The following MAST3 variants were observed in gnomAD, a reference collection of about 807,000 sequenced individuals.
MAST3 encodes the protein microtubule-associated serine/threonine-protein kinase 3.
MAST3 carries 43 observed loss-of-function variants against 127.0 expected under a neutral mutation model. The ratio of observed to expected loss-of-function variants is 0.34; its 90% CI spans 0.27 to 0.44. MAST3 has a LOEUF of 0.44. Among genes scored for constraint, MAST3 ranks in the 20% least tolerant of loss-of-function variants. The pLI is 1.00. For synonymous variants in MAST3, 785 were observed against 809.2 expected, an observed-to-expected ratio of 0.97 and a Z score of 0.51; for missense variants, 1,390 against 1,919.1, an observed-to-expected ratio of 0.72 and a Z score of 5.15.
chr19:18,106,819 C>T (rs908729129), intron 1 of MAST3, among the ~76,000 whole-genome samples: 66 of 151,928 alleles, frequency 4.3e-4, no homozygotes, highest in Admixed American at 1.6e-3. Flanking sequence ...GATCTGCCCA[C>T]CTCAGCCTCC....
Position 18,141,859 on chromosome 19 carries a change from C to T in MAST3, c.2206-23C>T, listed in dbSNP as rs1169442418. ...GCATGAGCCACCGCACCCGGCTTAC[C>T]ATTCTTTTGTCTTGCCTCCCAGGTC... On this transcript the variant is annotated intron_variant, in intron 20 of 27. Coordinates refer to ENST00000687212, the MANE Select transcript of MAST3 (RefSeq NM_001393504.1). 3 of 1,387,948 alleles carry T rather than the reference C, an allele frequency of 2.2e-6. No homozygotes were observed. In the African/African-American group the frequency reaches 4.4e-5, roughly 21 times the overall value. 86.0% of individuals were successfully genotyped at this position (1,387,948 alleles called of 1,614,324 possible). A position where few individuals can be genotyped will look rare whatever the true frequency, so the allele number is the denominator to read the frequency against.
At chr19:18,128,240 A>C (rs551852121) in intron 11 of MAST3, among the ~76,000 whole-genome samples, 160 bp from the exon 12 acceptor site, 1 of 152,292 alleles carries the variant, frequency 6.6e-6, no homozygotes, top group Admixed American at 6.5e-5. Context: ...TGCTTCATCC[A>C]GCCTCCCGGA....
Position 18,130,642 on chromosome 19 carries a change from A to G in MAST3, c.1372A>G (p.Ser458Gly). The change falls in exon 14 of 28, where the codon AGC becomes GGC. Residue 458 changes from serine to glycine, a missense_variant. Around this residue, in one of 5 missense-constraint regions of MAST3, gnomAD observed 191 missense variants for 409.0 expected, o/e 0.47. Coordinates refer to ENST00000687212, the MANE Select transcript of MAST3 (RefSeq NM_001393504.1). The stretch of plus-strand genomic sequence containing the variant: ...CTTTGCCGAGAACCCCTTTGTGGTC[A>G]GCATGTTCTGCTCCTTTGAGACCCG... ...LTFAENPFVV[S>G]MFCSFETRRH... 1 of 1,614,144 alleles carries G rather than the reference A, an allele frequency of 6.2e-7. No homozygotes were observed. The highest frequency in any genetic ancestry group is 8.5e-7 in the Non-Finnish European group (1 of 1,180,004).
intron 3 of MAST3, among the ~76,000 whole-genome samples, chr19:18,113,379 G>A (rs1018845476): frequency 6.6e-6 from 1 of 151,998 alleles, no homozygotes; most frequent in Non-Finnish European, 1.5e-5. Context: ...CCGCCTCCTG[G>A]GTCAAGCGAG....
At chr19:18,121,637 C>A in intron 3 of MAST3, 48 bp from the exon 4 acceptor site, 1 of 1,529,170 alleles carries the variant, frequency 6.5e-7, no homozygotes, top group South Asian at 1.1e-5. Context: ...GGTGGCTTAG[C>A]GCGGGGCCCT....
In MAST3 at chr19:18,115,333, G is replaced by A. The variant is rs530772867; in HGVS notation, c.161+4592G>A. Among the ~76,000 whole-genome samples the A allele has an allele frequency of 2.6e-5, 4 of 152,200 alleles. No individual in the cohort carries two copies. In the South Asian group the frequency reaches 6.2e-4, roughly 24 times the overall value. On this transcript the variant is annotated intron_variant, in intron 3 of 27. Coordinates refer to ENST00000687212, the MANE Select transcript of MAST3 (RefSeq NM_001393504.1). Reference sequence around the variant, plus strand: ...GTTCTCTCCCTGCTACAGATGTCAGGGCAGTGGGTGTATGTAATAGGGGGT... The same window carrying A: ...GTTCTCTCCCTGCTACAGATGTCAGAGCAGTGGGTGTATGTAATAGGGGGT...
chr19:18,122,834 G>A, intron 6 of MAST3, 83 bp downstream of exon 6: 1 of 1,385,642 alleles, frequency 7.2e-7, no homozygotes, highest in Non-Finnish European at 1.0e-6. Flanking sequence ...TTTTCAAGGT[G>A]TTGGATAGTT....
intron 1 of MAST3, among the ~76,000 whole-genome samples, chr19:18,101,882 CTT>C (rs760652186): frequency 2.9e-5 from 2 of 69,350 alleles, no homozygotes; most frequent in Non-Finnish European, 2.6e-5. Flanking sequence ...GCCTCAAACT[CTT>C]TTTTTTTTTT....
intron 3 of MAST3, among the ~76,000 whole-genome samples, chr19:18,116,124 C>T (rs1165136577): frequency 2.2e-5 from 2 of 90,314 alleles, no homozygotes; most frequent in African/African-American, 6.4e-5. Context: ...GACGGAGTCT[C>T]GCTCTATCAC....
In MAST3 at chr19:18,123,605, G is replaced by A. The variant is rs371335451; in HGVS notation, c.583G>A (p.Asp195Asn). 43 of 1,592,760 alleles carry A rather than the reference G, an allele frequency of 2.7e-5. No homozygotes were observed. Among genetic ancestry groups the A allele is most frequent in the Non-Finnish European group, 3.5e-5 (41 of 1,169,950 alleles). The change falls in exon 8 of 28, where the codon GAC becomes AAC. Residue 195 changes from aspartate to asparagine, a missense_variant. Coordinates refer to ENST00000687212, the MANE Select transcript of MAST3 (RefSeq NM_001393504.1). ...CCCGGGCCGTGCAACGGGGACCTTCGACAATGAGATTGTCATGATGAATCA... is the reference window on the plus strand; with the variant it reads ...CCCGGGCCGTGCAACGGGGACCTTCAACAATGAGATTGTCATGATGAATCA... ...LSPGRATGTF[D>N]NEIVMMNHVY...
chr19:18,118,293 C>G (rs1413403906), intron 3 of MAST3: 3 of 976,800 alleles, frequency 3.1e-6, no homozygotes, highest in Non-Finnish European at 3.6e-6. Flanking sequence ...GGCGGCCAGC[C>G]GAGCAAACAG....
intron 2 of MAST3, among the ~76,000 whole-genome samples, chr19:18,109,005 C>A (rs2038288868): frequency 6.6e-6 from 1 of 152,104 alleles, no homozygotes; most frequent in Non-Finnish European, 1.5e-5. Flanking sequence ...CTGGGGGTGG[C>A]TTTATCCTGA....
At position 18,110,788 on chromosome 19, in the gene MAST3, C is replaced by A; in HGVS notation, c.161+47C>A. The A allele has an allele frequency of 1.1e-6, 1 of 922,802 alleles. No homozygotes were observed. The highest frequency in any genetic ancestry group is 1.3e-6 in the Non-Finnish European group (1 of 772,578). The allele number at this position is 922,802 out of a possible 1,614,324, so 57.2% of individuals were successfully genotyped here. On this transcript the variant is annotated intron_variant, in intron 3 of 27. Transcript: ENST00000687212. This position sits in a 1 kb window ranked among gnomAD's most constrained non-coding sequence, Gnocchi z 4.3. Reference sequence around the variant, plus strand: ...CGGGGCGCAGACATCGCCCTGGCACCCCAGAGCCTTGGAAACCCTCCAGAC... The same window carrying A: ...CGGGGCGCAGACATCGCCCTGGCACACCAGAGCCTTGGAAACCCTCCAGAC...
In MAST3 at chr19:18,110,465, C is replaced by A; in HGVS notation, c.72-187C>A. On this transcript the variant is annotated intron_variant, in intron 2 of 27. Coordinates refer to ENST00000687212, the MANE Select transcript of MAST3 (RefSeq NM_001393504.1). The surrounding 1 kb of genome is among the most constrained non-coding windows in gnomAD (Gnocchi z 4.3). ...CTGTTCGTGTCGCCCAGAAACGCAC[C>A]GCCGCCTCCGGGGAGCCCTCCCGGG... 1.0e-6 allele frequency: 1 copy of A among 967,926 alleles called. No individual in the cohort carries two copies. The highest frequency in any genetic ancestry group is 1.2e-6 in the Non-Finnish European group (1 of 813,668). The allele number at this position is 967,926 out of a possible 1,614,324, so 60.0% of individuals were successfully genotyped here.
At chr19:18,139,739 G>A (rs4808750) in intron 20 of MAST3, among the ~76,000 whole-genome samples, 126,080 of 151,982 alleles carry the variant, frequency 0.83, 52,598 homozygotes, top group African/African-American at 0.91. Flanking sequence ...GGGATTACAG[G>A]CATGAGCCAT....
Position 18,112,717 on chromosome 19 carries a change from C to T in MAST3, c.161+1976C>T, listed in dbSNP as rs760047593. Among the ~76,000 whole-genome samples, 8 of 152,134 alleles carry T rather than the reference C, an allele frequency of 5.3e-5. No homozygotes were observed. Among genetic ancestry groups the T allele is most frequent in the Non-Finnish European group, 1.2e-4 (8 of 68,036 alleles). On this transcript the variant is annotated intron_variant, in intron 3 of 27. Transcript: ENST00000687212. This position sits in a 1 kb window ranked among gnomAD's most constrained non-coding sequence, Gnocchi z 4.1. ...AACTCCTGACCTCAGGTGATCCACC[C>T]GCCTTGGCTTCCCAAAGTGCTAGGA...
chr19:18,129,147 G>C (rs2040985395), intron 13 of MAST3, 196 bp downstream of exon 13: 2 of 597,734 alleles, frequency 3.3e-6, no homozygotes, highest in Non-Finnish European at 6.0e-6. Flanking sequence ...TGTGTGCTCT[G>C]TCCACGAGCC....
rs576631418 is a variant in MAST3, at chr19:18,135,870, G to T, written c.1972+29G>T. 4 of 1,554,012 alleles carry T rather than the reference G, an allele frequency of 2.6e-6. 1 individual carries two copies. The highest frequency in any genetic ancestry group is 2.7e-5 in the African/African-American group (2 of 73,746). On this transcript the variant is annotated intron_variant, in intron 18 of 27. Coordinates refer to ENST00000687212, the MANE Select transcript of MAST3 (RefSeq NM_001393504.1). Reference sequence around the variant, plus strand: ...TGTAGTGTGGGGGAGAACCCAGGTGGGTGGCTCCTTCAGGCCCTGGGACCC... The same window carrying T: ...TGTAGTGTGGGGGAGAACCCAGGTGTGTGGCTCCTTCAGGCCCTGGGACCC...
chr19:18,136,006 A>ACTATC (rs1456480481), intron 18 of MAST3, among the ~76,000 whole-genome samples, 165 bp downstream of exon 18: 1 of 152,140 alleles, frequency 6.6e-6, no homozygotes, highest in East Asian at 1.9e-4. Flanking sequence ...TTCTCCAGGA[A>ACTATC]CTATCACAAG....
Sources: gnomAD v4.1 joint callset for allele counts (sites outside exome capture counted in the v4.1 genomes callset) on GRCh38, gnomAD v4.1.1 for gene constraint, gnomAD v4.1.1 regional missense constraint, Gnocchi (gnomAD v3.1) non-coding constraint, MANE v1.5 for transcripts, NCBI Gene and HGNC (gene_info 2026-07-23, HGNC 2026-07-21) for gene names.